The following FNIP1 variants were observed in gnomAD, a reference collection of about 807,000 sequenced individuals.
The protein encoded by FNIP1 is folliculin-interacting protein 1.
Under a neutral mutation model 124.5 loss-of-function variants are expected in FNIP1, and 40 were observed. That is an observed-to-expected ratio of 0.32 (90% CI 0.25 to 0.42). FNIP1 has a LOEUF of 0.42. FNIP1 is among the 10% of genes least tolerant of loss of function. The pLI is 1.00. For synonymous variants in FNIP1, 472 were observed against 470.6 expected, an observed-to-expected ratio of 1.00 and a Z score of -0.04; for missense variants, 1,176 against 1,403.7, an observed-to-expected ratio of 0.84 and a Z score of 2.59.
Position 131,749,496 on chromosome 5 carries a change from A to G in FNIP1, c.93-4806T>C, listed in dbSNP as rs532181443. ...CAACCTCCGCTTCCGGGTTCAAGTG[A>G]TTCTCCTGCCTCAGCCTCCCCAGTT... On this transcript the variant is annotated intron_variant, in intron 1 of 17. Transcript: ENST00000510461. Among the ~76,000 whole-genome samples the G allele has an allele frequency of 2.0e-5, 3 of 148,852 alleles. No individual in the cohort carries two copies. The East Asian group carries it at 5.9e-4, about 29-fold the overall frequency.
At chr5:131,659,619 C>T (rs578100668) in intron 15 of FNIP1, among the ~76,000 whole-genome samples, 84 of 152,258 alleles carry the variant, frequency 5.5e-4, no homozygotes, top group African/African-American at 1.8e-3. Context: ...GCGTAACCCT[C>T]GTAGATGGGC....
chr5:131,767,892 C>G (rs1771493287), intron 1 of FNIP1, among the ~76,000 whole-genome samples: 1 of 152,016 alleles, frequency 6.6e-6, no homozygotes, highest in Admixed American at 6.6e-5. Flanking sequence ...TTATTTTTCT[C>G]TAACTACATC....
intron 1 of FNIP1, among the ~76,000 whole-genome samples, chr5:131,749,973 G>C (rs1770814950): frequency 6.6e-6 from 1 of 152,108 alleles, no homozygotes; most frequent in South Asian, 2.1e-4. Flanking sequence ...ATTCACTGGT[G>C]CATGAGTGTA....
At chr5:131,787,722 CAG>C (rs1028760719) in intron 1 of FNIP1, among the ~76,000 whole-genome samples, 35 of 152,280 alleles carry the variant, frequency 2.3e-4, no homozygotes, top group African/African-American at 8.2e-4. Context: ...GCACATAAAA[CAG>C]TGTGCAGCAC....
At chr5:131,745,671 T>C (rs1488859190) in intron 1 of FNIP1, among the ~76,000 whole-genome samples, 1 of 152,062 alleles carries the variant, frequency 6.6e-6, no homozygotes, top group Non-Finnish European at 1.5e-5. Context: ...AAAAATGAAG[T>C]TGATCCCAGC....
chr5:131,783,680 G>A (rs1772071191), intron 1 of FNIP1, among the ~76,000 whole-genome samples: 2 of 151,994 alleles, frequency 1.3e-5, no homozygotes, highest in Non-Finnish European at 2.9e-5. Context: ...AAGGTAAAGA[G>A]AAAAATCAAG....
intron 12 of FNIP1, among the ~76,000 whole-genome samples, chr5:131,678,244 A>C (rs144316779): frequency 9.2e-5 from 14 of 152,346 alleles, no homozygotes; most frequent in African/African-American, 2.6e-4. Flanking sequence ...CTGAATGGGA[A>C]AACGAGGCAA....
At chr5:131,701,169 C>A (rs988619359) in intron 10 of FNIP1, among the ~76,000 whole-genome samples, 7 of 152,086 alleles carry the variant, frequency 4.6e-5, no homozygotes, top group Non-Finnish European at 1.5e-5. Context: ...AAGGGATCTA[C>A]GTTGCACACT....
At chr5:131,698,056 A>G (rs566053170) in intron 11 of FNIP1, among the ~76,000 whole-genome samples, 19 of 152,168 alleles carry the variant, frequency 1.2e-4, no homozygotes, top group Non-Finnish European at 7.4e-5. Context: ...CCTTACACAC[A>G]CAATTTCATT....
chr5:131,691,153 T>C (rs1158019104), intron 11 of FNIP1, among the ~76,000 whole-genome samples: 1 of 152,182 alleles, frequency 6.6e-6, no homozygotes, highest in Non-Finnish European at 1.5e-5. Flanking sequence ...AATCATACAA[T>C]GTATGTTCTC....
chr5:131,699,998 T>C (rs190814054), intron 10 of FNIP1, among the ~76,000 whole-genome samples: 207 of 151,768 alleles, frequency 1.4e-3, no homozygotes, highest in Non-Finnish European at 2.4e-3. Context: ...GCTTTTTTTT[T>C]TTTTTAAGAC....
At chr5:131,739,729 C>T (rs377287006) in intron 2 of FNIP1, among the ~76,000 whole-genome samples, 2 of 143,448 alleles carry the variant, frequency 1.4e-5, no homozygotes, top group Non-Finnish European at 3.0e-5. Context: ...AGGAGAATGG[C>T]GTGAACCCAG....
chr5:131,715,473 G>C (rs1181138087), intron 6 of FNIP1, among the ~76,000 whole-genome samples: 2 of 151,934 alleles, frequency 1.3e-5, no homozygotes, highest in Admixed American at 1.3e-4. Context: ...GTGACAGAGT[G>C]AGATTCCATA....
At position 131,671,896 on chromosome 5, in the gene FNIP1, C is replaced by T. The variant is rs1767764197; in HGVS notation, c.2548G>A (p.Asp850Asn). 6.2e-7 allele frequency: 1 copy of T among 1,614,034 alleles called. No homozygotes were observed. The highest frequency in any genetic ancestry group is 1.3e-5 in the African/African-American group (1 of 74,938). The change falls in exon 14 of 18, where the codon GAT (aspartate) becomes AAT (asparagine). Residue 850 changes from aspartate (D) to asparagine (N), a missense_variant. By Grantham distance (23) the Asp-to-Asn change is conservative. This residue lies in a region of FNIP1 where 1,109 missense variants were observed against 1,288.5 expected (regional missense o/e 0.86). Coordinates refer to ENST00000510461, the MANE Select transcript of FNIP1 (RefSeq NM_133372.3). ...NDDSIETRTI[D>N]DVPFKTSTDS... The stretch of plus-strand genomic sequence containing the variant: ...GTACTTGTTTTAAATGGAACATCAT[C>T]AATAGTCCTGGTTTCGATTGAATCA...
At chr5:131,757,700 G>A (rs1408176852) in intron 1 of FNIP1, among the ~76,000 whole-genome samples, 1 of 151,786 alleles carries the variant, frequency 6.6e-6, no homozygotes, top group Non-Finnish European at 1.5e-5. Flanking sequence ...AGTTCTAAAT[G>A]ATGCAAAGAA....
rs1008877312 is a variant in FNIP1, at chr5:131,723,449, G to A, written c.355-4032C>T. On this transcript the variant is annotated intron_variant, in intron 3 of 17. Transcript: ENST00000510461. ...TATGTGAATTTTATGACACCATATAGTTTACTACTAAGGTTCTCTTTGTCT... is the reference window on the plus strand; with the variant it reads ...TATGTGAATTTTATGACACCATATAATTTACTACTAAGGTTCTCTTTGTCT... Among the ~76,000 whole-genome samples, 6 of 152,212 alleles carry A rather than the reference G, an allele frequency of 3.9e-5. No individual in the cohort carries two copies. The East Asian group carries it at 1.2e-3, about 29-fold the overall frequency.
At chr5:131,796,102 C>G (rs989407152) in intron 1 of FNIP1, 1 of 152,210 alleles carries the variant, frequency 6.6e-6, no homozygotes, top group South Asian at 2.1e-4. Context: ...GCTCTACTAA[C>G]ATTTTCAATT....
At chr5:131,756,019 A>T (rs976173579) in intron 1 of FNIP1, among the ~76,000 whole-genome samples, 1 of 152,096 alleles carries the variant, frequency 6.6e-6, no homozygotes, top group African/African-American at 2.4e-5. Flanking sequence ...TCAAAAAAAA[A>T]AAAAGGTTAA....
chr5:131,718,807 C>T (rs917323625), intron 5 of FNIP1, among the ~76,000 whole-genome samples, 179 bp downstream of exon 5: 1 of 152,176 alleles, frequency 6.6e-6, no homozygotes, highest in Non-Finnish European at 1.5e-5. Context: ...AAACAGAAAC[C>T]ACATCTCATG....
Sources: allele counts gnomAD v4.1 joint callset (sites outside exome capture counted in the v4.1 genomes callset), GRCh38; gene constraint gnomAD v4.1.1; regional missense constraint gnomAD v4.1.1; transcripts MANE v1.5; gene names NCBI Gene and HGNC (gene_info 2026-07-23, HGNC 2026-07-21).